Variants in ADRA1B observed in about 807,000 individuals in gnomAD.
ADRA1B encodes alpha-1B adrenergic receptor.
A neutral mutation model predicts 17.9 loss-of-function variants in ADRA1B; 17 were observed. That is an observed-to-expected ratio of 0.95 (90% CI 0.65 to 1.42). ADRA1B has a LOEUF of 1.42. Among genes scored for constraint, ADRA1B ranks in the 40% most tolerant of loss-of-function variants. The pLI, the probability that ADRA1B is intolerant of heterozygous loss-of-function variation, is 0.00. For synonymous variants in ADRA1B, 366 were observed against 327.6 expected (o/e 1.12, Z -1.27); for missense variants, 681 against 722.1 (o/e 0.94, Z 0.65).
intron 1 of ADRA1B, among the ~76,000 whole-genome samples, chr5:159,878,085 G>A (rs1753820819): frequency 6.6e-6 from 1 of 152,232 alleles, no homozygotes; most frequent in Non-Finnish European, 1.5e-5. Flanking sequence ...GGCTGAACGA[G>A]GCCCAAGAAT....
intron 1 of ADRA1B, among the ~76,000 whole-genome samples, chr5:159,959,372 A>C (rs1755623087): frequency 6.6e-6 from 1 of 152,272 alleles, no homozygotes. Context: ...GCACATGAAA[A>C]GGACGTTATG....
intron 1 of ADRA1B, among the ~76,000 whole-genome samples, chr5:159,928,547 C>G (rs1321334920): frequency 6.6e-6 from 1 of 152,124 alleles, no homozygotes; most frequent in East Asian, 1.9e-4. Flanking sequence ...TCCTAGAGCC[C>G]CATTTAACTT....
At chr5:159,978,345 A>T in the ADRA1B span, among the ~76,000 whole-genome samples, 2 of 152,110 alleles carry the variant, frequency 1.3e-5, no homozygotes. Context: ...AGGGGGTCCT[A>T]CCTCTAAATT....
At chr5:159,980,085 C>T in the ADRA1B span, among the ~76,000 whole-genome samples, 10 of 151,756 alleles carry the variant, frequency 6.6e-5, no homozygotes, top group Admixed American at 3.3e-4. Flanking sequence ...GTCCACTGGG[C>T]AGCAAAAGAG....
intron 1 of ADRA1B, among the ~76,000 whole-genome samples, chr5:159,874,981 C>A (rs1753787804): frequency 6.6e-6 from 1 of 152,132 alleles, no homozygotes; most frequent in South Asian, 2.1e-4. Flanking sequence ...TGCTCCTAGA[C>A]AAAACTGGTG....
At chr5:159,904,037 T>A (rs72808183) in intron 1 of ADRA1B, among the ~76,000 whole-genome samples, 12,905 of 152,328 alleles carry the variant, frequency 0.085, 645 homozygotes, top group East Asian at 0.17. Flanking sequence ...TTAACAACGA[T>A]GTTCTCTTGA....
At chr5:159,897,609 C>T (rs138981110) in intron 1 of ADRA1B, among the ~76,000 whole-genome samples, 101 of 152,284 alleles carry the variant, frequency 6.6e-4, no homozygotes, top group African/African-American at 2.3e-3. Flanking sequence ...CCTAAAATCG[C>T]TGCCCATTTC....
chr5:159,952,263 C>T (rs946098238), intron 1 of ADRA1B, among the ~76,000 whole-genome samples: 1 of 152,034 alleles, frequency 6.6e-6, no homozygotes, highest in Non-Finnish European at 1.5e-5. Context: ...TACATATCTA[C>T]AATAAAGCTT....
intron 1 of ADRA1B, among the ~76,000 whole-genome samples, chr5:159,892,529 A>G (rs1753996581): frequency 6.6e-6 from 1 of 151,966 alleles, no homozygotes; most frequent in African/African-American, 2.4e-5. Context: ...GTTACCCACC[A>G]CGTGTCCATG....
At chr5:159,912,924 T>C (rs1226448724), upstream of ADRA1B, among the ~76,000 whole-genome samples, 2 of 152,226 alleles carry the variant, frequency 1.3e-5, no homozygotes. Flanking sequence ...CATCTTTGGT[T>C]CACCCACGGT....
chr5:159,866,169 G>T (rs1280504728), intron 1 of ADRA1B, among the ~76,000 whole-genome samples: 1 of 151,920 alleles, frequency 6.6e-6, no homozygotes, highest in Non-Finnish European at 1.5e-5. Context: ...AGCCACCCAT[G>T]GTGGTTTATG....
At chr5:159,867,310 GTC>G (rs1322435850) in intron 1 of ADRA1B, among the ~76,000 whole-genome samples, 3 of 152,078 alleles carry the variant, frequency 2.0e-5, no homozygotes, top group Non-Finnish European at 2.9e-5. Flanking sequence ...TCTACCCCGT[GTC>G]CCAAGGCATA....
chr5:159,934,983 G>A (rs1754915085), intron 1 of ADRA1B, among the ~76,000 whole-genome samples: 1 of 152,086 alleles, frequency 6.6e-6, no homozygotes, highest in African/African-American at 2.4e-5. Context: ...GACTCAGCTG[G>A]GTGCAAAACA....
intron 1 of ADRA1B, among the ~76,000 whole-genome samples, chr5:159,906,290 C>T (rs1338720457): frequency 8.5e-5 from 13 of 152,280 alleles, no homozygotes; most frequent in Admixed American, 8.5e-4. Context: ...TCTCTATAGA[C>T]ATTCAACCAA....
intron 1 of ADRA1B, among the ~76,000 whole-genome samples, chr5:159,970,192 T>C (rs1040120007): frequency 2.6e-5 from 4 of 152,228 alleles, no homozygotes; most frequent in African/African-American, 7.2e-5. Flanking sequence ...TCTTATTATA[T>C]TGATTTATTT....
At chr5:159,923,319 C>T (rs1754542781) in intron 1 of ADRA1B, among the ~76,000 whole-genome samples, 1 of 152,254 alleles carries the variant, frequency 6.6e-6, no homozygotes. Flanking sequence ...TGACTGCAGC[C>T]ACTGTGTGGA....
chr5:159,937,551 A>G (rs962080296), intron 1 of ADRA1B: 1 of 152,240 alleles, frequency 6.6e-6, no homozygotes, highest in African/African-American at 2.4e-5. Flanking sequence ...GCCAGTTTCA[A>G]GCAATTCTCC....
At chr5:159,951,330 TG>T in intron 1 of ADRA1B, 1 of 1,326,100 alleles carries the variant, frequency 7.5e-7, no homozygotes, top group Non-Finnish European at 1.1e-6. Flanking sequence ...GACAGTGCCA[TG>T]GAATTTGCCA....
intron 1 of ADRA1B, chr5:159,951,559 G>A (rs185336816): frequency 1.8e-5 from 10 of 543,274 alleles, no homozygotes; most frequent in Admixed American, 5.2e-5. Context: ...CGAACGGGAG[G>A]AGCAGAGAGC....
Sources: allele counts gnomAD v4.1 joint callset (sites outside exome capture counted in the v4.1 genomes callset), GRCh38; gene constraint gnomAD v4.1.1; transcripts MANE v1.5; gene names NCBI Gene and HGNC (gene_info 2026-07-23, HGNC 2026-07-21).